APTX: variants seen among roughly 807,000 people sequenced by gnomAD.
APTX encodes the protein aprataxin.
In APTX, 33 loss-of-function variants were observed where a neutral mutation model predicts 42.3. The ratio of observed to expected loss-of-function variants is 0.78; its 90% CI spans 0.59 to 1.04. The LOEUF is 1.04. APTX is among the 50% of genes least tolerant of loss of function. APTX has a pLI of 0.00. For synonymous variants in APTX, 130 were observed against 146.7 expected (o/e 0.89, Z 0.82); for missense variants, 421 against 415.1 (o/e 1.01, Z -0.12).
Position 32,973,658 on chromosome 9 carries a change from G to A in APTX, c.875-6C>T. Reference sequence around the variant, plus strand: ...TTGTACCATCTCGATCACAGCTGCAGGCAAGGAAGAAAAGTCAAATCCCAG... The same window carrying A: ...TTGTACCATCTCGATCACAGCTGCAAGCAAGGAAGAAAAGTCAAATCCCAG... On this transcript the variant is annotated splice_region_variant and splice_polypyrimidine_tract_variant and intron_variant, in intron 7 of 7. Transcript: ENST00000379817. 1 of 1,611,060 alleles carries A rather than the reference G, an allele frequency of 6.2e-7. No homozygotes were observed.
At chr9:33,001,183 T>C (rs1351482352) in intron 1 of APTX, 3 of 686,244 alleles carry the variant, frequency 4.4e-6, no homozygotes, top group East Asian at 6.4e-5. Context: ...ACAAGGCCTG[T>C]TGAGGATGCT....
At chr9:32,996,806 C>T (rs1167392459) in intron 1 of APTX, among the ~76,000 whole-genome samples, 2 of 152,210 alleles carry the variant, frequency 1.3e-5, no homozygotes, top group Admixed American at 6.5e-5. Flanking sequence ...TCACTGCCTA[C>T]GCATTCACAA....
At chr9:32,984,192 C>T (rs1831349736) in intron 6 of APTX, among the ~76,000 whole-genome samples, 1 of 152,114 alleles carries the variant, frequency 6.6e-6, no homozygotes, top group African/African-American at 2.4e-5. Flanking sequence ...CTATACTTTT[C>T]TCTCATTTTA....
upstream of APTX, among the ~76,000 whole-genome samples, chr9:33,005,053 CCTGT>C (rs1013615113): frequency 1.3e-4 from 20 of 151,974 alleles, no homozygotes; most frequent in African/African-American, 3.6e-4. Context: ...TCATAAGCTT[CCTGT>C]CTATTTGTAT....
chr9:32,987,519 C>T, intron 4 of APTX, 25 bp downstream of exon 4: 1 of 1,612,700 alleles, frequency 6.2e-7, no homozygotes, highest in South Asian at 1.1e-5. Context: ...TTCTCCACAT[C>T]ATCTACCAAT....
At chr9:32,983,636 T>C (rs1178371413) in intron 6 of APTX, among the ~76,000 whole-genome samples, 1 of 152,100 alleles carries the variant, frequency 6.6e-6, no homozygotes, top group African/African-American at 2.4e-5. Flanking sequence ...TGAGTGTTGG[T>C]AGTTAAAAAA....
At chr9:33,018,618 T>C (rs1041209776) in intron 1 of APTX, among the ~76,000 whole-genome samples, 4 of 148,120 alleles carry the variant, frequency 2.7e-5, no homozygotes, top group African/African-American at 5.0e-5. Flanking sequence ...CTGTGGCTTA[T>C]GCAGTAATCC....
chr9:32,983,208 T>C (rs1446514181), intron 6 of APTX, among the ~76,000 whole-genome samples: 1 of 152,200 alleles, frequency 6.6e-6, no homozygotes, highest in Non-Finnish European at 1.5e-5. Flanking sequence ...ATGTCTATGA[T>C]ATACACAATA....
At chr9:32,984,975 C>A in intron 5 of APTX, 118 bp from the exon 6 acceptor site, 2 of 934,898 alleles carry the variant, frequency 2.1e-6, no homozygotes, top group Non-Finnish European at 1.7e-6. Context: ...GTTTTAATAG[C>A]CCAGTTTTGA....
chr9:32,976,178 T>G (rs2118339668), intron 6 of APTX, among the ~76,000 whole-genome samples: 1 of 131,694 alleles, frequency 7.6e-6, no homozygotes. Context: ...AACTAAACAA[T>G]GAGATCACTT....
intron 1 of APTX, among the ~76,000 whole-genome samples, chr9:33,020,898 G>A (rs1838319137): frequency 6.6e-6 from 1 of 152,234 alleles, no homozygotes; most frequent in Admixed American, 6.5e-5. Context: ...GGGAGGCCGA[G>A]GCGGGCAGAT....
chr9:32,983,686 A>G (rs983051169), intron 6 of APTX, among the ~76,000 whole-genome samples: 2 of 152,226 alleles, frequency 1.3e-5, no homozygotes, highest in African/African-American at 2.4e-5. Flanking sequence ...TACAACATGG[A>G]TAAGACTTGA....
In APTX at chr9:32,989,914, G is replaced by GA. The variant is rs746352838; in HGVS notation, c.-4-20dup. The GA allele has an allele frequency of 1.2e-5, 19 of 1,610,546 alleles. No homozygotes were observed. The highest frequency in any genetic ancestry group is 3.5e-4 in the Middle Eastern group (2 of 5,764). On this transcript the variant is annotated intron_variant, in intron 1 of 7. Transcript: ENST00000379817. ...CATCACTCTAAGGGACAAAACAAAA[G>GA]AATCACTAGAAAAACAGATCCACTA...
intron 1 of APTX, among the ~76,000 whole-genome samples, chr9:32,994,714 GTGATCTT>G (rs1563980854): frequency 6.6e-6 from 1 of 152,308 alleles, no homozygotes; most frequent in African/African-American, 2.4e-5. Context: ...TCTGTGATCA[GTGATCTT>G]TGATCTTTGA....
chr9:33,019,088 T>C (rs868542698), intron 1 of APTX, among the ~76,000 whole-genome samples: 64 of 152,188 alleles, frequency 4.2e-4, no homozygotes, highest in African/African-American at 1.4e-3. Context: ...TCAACGTTGA[T>C]TCATTAGTTG....
chr9:33,000,692 TAAG>T (rs1409238549), intron 1 of APTX, among the ~76,000 whole-genome samples: 4 of 149,586 alleles, frequency 2.7e-5, no homozygotes, highest in Admixed American at 2.7e-4. Context: ...ACTGTGTAAC[TAAG>T]AAGAACGAGC....
chr9:32,983,168 C>T (rs1046446610), intron 6 of APTX, among the ~76,000 whole-genome samples: 1 of 151,898 alleles, frequency 6.6e-6, no homozygotes, highest in East Asian at 1.9e-4. Context: ...TAAATATTTA[C>T]TCAAGGGGAA....
intron 6 of APTX, 147 bp downstream of exon 6, chr9:32,984,484 G>T (rs1463144794): frequency 4.0e-6 from 3 of 754,856 alleles, no homozygotes; most frequent in Non-Finnish European, 6.9e-6. Context: ...AGGCAGAGAG[G>T]TGGAAGCTTC....
chr9:32,996,761 A>C (rs1185495280), intron 1 of APTX, among the ~76,000 whole-genome samples: 1 of 152,238 alleles, frequency 6.6e-6, no homozygotes, highest in Non-Finnish European at 1.5e-5. Context: ...TCTACTTTCC[A>C]AACAAGATTA....
Sources: allele counts gnomAD v4.1 joint callset (sites outside exome capture counted in the v4.1 genomes callset), GRCh38; gene constraint gnomAD v4.1.1; transcripts MANE v1.5; gene names NCBI Gene and HGNC (gene_info 2026-07-23, HGNC 2026-07-21).